Variants in KAZN observed in about 807,000 individuals in gnomAD.
KAZN encodes kazrin, periplakin interacting protein.
In KAZN, 40 loss-of-function variants were observed where a neutral mutation model predicts 87.4. The ratio of observed to expected loss-of-function variants is 0.46; its 90% CI spans 0.36 to 0.60. The LOEUF (loss-of-function observed/expected upper bound fraction) is 0.60. Among genes scored for constraint, KAZN ranks in the 20% least tolerant of loss-of-function variants. The pLI is 0.00. For synonymous variants in KAZN, 466 were observed against 458.3 expected (o/e 1.02, Z -0.22); for missense variants, 898 against 1,073.9 (o/e 0.84, Z 2.29).
At chr1:14,627,978 ACTCT>A (rs3087168) in intron 1 of KAZN, among the ~76,000 whole-genome samples, 11 of 143,718 alleles carry the variant, frequency 7.7e-5, no homozygotes, top group East Asian at 4.1e-4. Context: ...TGGATATGGA[ACTCT>A]CTCTCTCTCT....
chr1:14,890,379 G>A (rs1195134629), intron 1 of KAZN, among the ~76,000 whole-genome samples: 5 of 152,264 alleles, frequency 3.3e-5, no homozygotes, highest in East Asian at 3.9e-4. Flanking sequence ...AGAATCTCCC[G>A]GGCACCAGTC....
intron 1 of KAZN, among the ~76,000 whole-genome samples, chr1:14,890,119 G>A (rs1377801799): frequency 1.3e-5 from 2 of 152,214 alleles, no homozygotes; most frequent in Admixed American, 6.5e-5. Flanking sequence ...ACCCTGAGGG[G>A]GCTTCCCAGA....
rs140704808 is a variant in KAZN at position 14,422,706 on chromosome 1, C to T, written c.250-176277C>T. ...CCAGAAGATATTAAATATAGAAAGG[C>T]TCATCCCTGGTAAACTTCTCTTTTG... On this transcript the variant is annotated intron_variant, in intron 2 of 16. Transcript: ENST00000636203. 1.7e-4 allele frequency among the ~76,000 whole-genome samples: 26 copies of T among 152,286 alleles called. No homozygotes were observed. In the East Asian group the frequency reaches 4.6e-3, roughly 27 times the overall value.
At chr1:14,386,265 C>A (rs2101068736) in intron 2 of KAZN, among the ~76,000 whole-genome samples, 1 of 147,036 alleles carries the variant, frequency 6.8e-6, no homozygotes, top group African/African-American at 2.5e-5. Flanking sequence ...GACTCTTTAT[C>A]CAATTTGCCA....
chr1:15,046,063 C>T (rs546643919), intron 4 of KAZN, among the ~76,000 whole-genome samples: 43 of 152,126 alleles, frequency 2.8e-4, no homozygotes, highest in East Asian at 5.8e-4. Flanking sequence ...TTTGGGAGAC[C>T]GAGGAGGGTG....
At chr1:13,998,608 A>G (rs1457612095) in intron 1 of KAZN, among the ~76,000 whole-genome samples, 1 of 147,800 alleles carries the variant, frequency 6.8e-6, no homozygotes, top group African/African-American at 2.5e-5. Flanking sequence ...TAAACCAAGA[A>G]AGATAAAAAA....
At chr1:14,918,707 AATATATATATATAT>A (rs201058383) in intron 1 of KAZN, among the ~76,000 whole-genome samples, 1,253 of 24,286 alleles carry the variant, frequency 0.052, 22 homozygotes, top group Middle Eastern at 0.15. Context: ...AAAAAAAAAA[AATATATATATATAT>A]ATATATATAT....
At chr1:14,519,123 G>T (rs1272330518) in intron 2 of KAZN, among the ~76,000 whole-genome samples, 1 of 152,016 alleles carries the variant, frequency 6.6e-6, no homozygotes, top group African/African-American at 2.4e-5. Context: ...GACTGCCTAT[G>T]ATTCTAAAAT....
chr1:14,194,050 A>T (rs771186053), intron 2 of KAZN, among the ~76,000 whole-genome samples: 1 of 152,074 alleles, frequency 6.6e-6, no homozygotes, highest in Non-Finnish European at 1.5e-5. Context: ...CCACTCTGTC[A>T]TCCTTCCAAC....
At chr1:13,966,239 C>T (rs1293112444) in intron 1 of KAZN, among the ~76,000 whole-genome samples, 1 of 152,142 alleles carries the variant, frequency 6.6e-6, no homozygotes, top group African/African-American at 2.4e-5. Flanking sequence ...GAGTGAGAGG[C>T]TGCTCAGGGA....
At chr1:14,792,666 A>G (rs540889794) in intron 1 of KAZN, among the ~76,000 whole-genome samples, 1 of 152,272 alleles carries the variant, frequency 6.6e-6, no homozygotes, top group African/African-American at 2.4e-5. Flanking sequence ...ACAGAGGAGG[A>G]AAGCAGCGTG....
chr1:15,015,662 G>T lies in KAZN; in HGVS notation c.419-19087G>T, dbSNP rs528153375. Among the ~76,000 whole-genome samples the T allele has an allele frequency of 4.0e-3, 605 of 152,218 alleles. 5 individuals are homozygous for T. The highest frequency in any genetic ancestry group is 4.1e-3 in the Non-Finnish European group (281 of 68,006). On this transcript the variant is annotated intron_variant, in intron 2 of 14. Transcript: ENST00000376030. ...CAAACCGTCAGCATGGGCAGGTCTA[G>T]GACCTGAGTCAGGCTGGTCACCCCT...
At chr1:14,214,882 C>A (rs1646928139) in intron 2 of KAZN, among the ~76,000 whole-genome samples, 1 of 152,090 alleles carries the variant, frequency 6.6e-6, no homozygotes, top group African/African-American at 2.4e-5. Flanking sequence ...AGACACAGCC[C>A]CTATCCTCAA....
intron 1 of KAZN, among the ~76,000 whole-genome samples, chr1:13,988,324 T>C (rs1005776487): frequency 1.3e-5 from 2 of 152,154 alleles, no homozygotes; most frequent in South Asian, 2.1e-4. Flanking sequence ...GGGTAAATAA[T>C]GTTAGCTGCT....
intron 1 of KAZN, among the ~76,000 whole-genome samples, chr1:14,048,900 G>A: frequency 6.6e-6 from 1 of 152,152 alleles, no homozygotes; most frequent in East Asian, 1.9e-4. Context: ...GTGTAAAAGT[G>A]TTCCTATTTC....
At chr1:14,520,999 A>G (rs1671557875) in intron 2 of KAZN, among the ~76,000 whole-genome samples, 1 of 152,218 alleles carries the variant, frequency 6.6e-6, no homozygotes, top group African/African-American at 2.4e-5. Flanking sequence ...ATGCAGTGGC[A>G]TGATCCAGAG....
chr1:15,075,550 C>T (rs1211010238), intron 8 of KAZN, among the ~76,000 whole-genome samples: 2 of 152,148 alleles, frequency 1.3e-5, no homozygotes, highest in South Asian at 2.1e-4. Context: ...GCTTTGAGGG[C>T]GCTGTCAGTG....
chr1:13,979,644 T>C (rs1638556319), intron 1 of KAZN, among the ~76,000 whole-genome samples: 2 of 152,090 alleles, frequency 1.3e-5, no homozygotes. Flanking sequence ...ACTTAAAATA[T>C]GCGGCAGGGT....
At chr1:14,457,077 C>G (rs1667606904) in intron 2 of KAZN, among the ~76,000 whole-genome samples, 2 of 152,134 alleles carry the variant, frequency 1.3e-5, no homozygotes, top group Admixed American at 1.3e-4. Context: ...GAGACTCTAT[C>G]TCAAAAAACA....
Sources: gnomAD v4.1 joint callset for allele counts (sites outside exome capture counted in the v4.1 genomes callset) on GRCh38, gnomAD v4.1.1 for gene constraint, MANE v1.5 for transcripts, NCBI Gene and HGNC (gene_info 2026-07-23, HGNC 2026-07-21) for gene names.